BRCC3: variants seen among roughly 807,000 people sequenced by gnomAD.
The protein encoded by BRCC3 is BRCA1/BRCA2-containing complex subunit 3.
A neutral mutation model predicts 28.0 loss-of-function variants in BRCC3; 15 were observed. The ratio of observed to expected loss-of-function variants is 0.54; its 90% CI spans 0.36 to 0.82. The LOEUF is 0.82. Among genes scored for constraint, BRCC3 ranks in the 40% least tolerant of loss-of-function variants. The pLI, the probability that BRCC3 is intolerant of heterozygous loss-of-function variation, is 0.01. For synonymous variants in BRCC3, 66 were observed against 80.3 expected (o/e 0.82, Z 0.95); for missense variants, 109 against 225.9 (o/e 0.48, Z 3.32).
In BRCC3 at chrX:155,096,605, G is replaced by T. The variant is rs1169723425; in HGVS notation, c.548+5766G>T. 4.5e-5 allele frequency among the ~76,000 whole-genome samples: 5 copies of T among 112,013 alleles called. No individual in the cohort carries two copies. In the Admixed American group the frequency reaches 4.7e-4, roughly 11 times the overall value. ...CTACCCAATGTCATCTACAGATCCAGTGTAATCCCTATCAAAATTCCAATA... is the reference window on the plus strand; with the variant it reads ...CTACCCAATGTCATCTACAGATCCATTGTAATCCCTATCAAAATTCCAATA... On this transcript the variant is annotated intron_variant, in intron 7 of 10. Coordinates refer to ENST00000330045, the MANE Select transcript of BRCC3 (RefSeq NM_001018055.3).
chrX:155,098,824 A>G (rs1468964117), intron 7 of BRCC3, among the ~76,000 whole-genome samples: 1 of 112,398 alleles, frequency 8.9e-6, no homozygotes, highest in Non-Finnish European at 1.9e-5. Flanking sequence ...TGTTATACCA[A>G]TCCTTATATC....
At chrX:155,088,072 GC>G (rs2074146646) in intron 5 of BRCC3, among the ~76,000 whole-genome samples, 2 of 112,224 alleles carry the variant, frequency 1.8e-5, no homozygotes, top group Non-Finnish European at 3.8e-5. Flanking sequence ...GTTTTACAAT[GC>G]TATGTTCTTT....
At chrX:155,079,996 T>C (rs1293069966) in intron 5 of BRCC3, among the ~76,000 whole-genome samples, 2 of 111,480 alleles carry the variant, frequency 1.8e-5, no homozygotes, top group Non-Finnish European at 3.8e-5. Context: ...ACAGACCTTA[T>C]TCAGATTCTT....
intron 7 of BRCC3, among the ~76,000 whole-genome samples, chrX:155,101,319 A>G (rs1569560542): frequency 1.8e-5 from 2 of 111,753 alleles, no homozygotes; most frequent in South Asian, 3.7e-4. Context: ...TTGAACATCT[A>G]TGGATTTCAG....
At chrX:155,109,787 A>G (rs2074308903) in intron 7 of BRCC3, among the ~76,000 whole-genome samples, 1 of 111,628 alleles carries the variant, frequency 9.0e-6, no homozygotes, top group Admixed American at 9.5e-5. Flanking sequence ...ATGCCTTATT[A>G]TACTGTCTCA....
At chrX:155,105,985 C>T (rs1000547692) in intron 7 of BRCC3, among the ~76,000 whole-genome samples, 2 of 112,411 alleles carry the variant, frequency 1.8e-5, no homozygotes, top group African/African-American at 3.2e-5. Context: ...CCACGCCCAT[C>T]CAAGACCCTG....
chrX:155,104,607 T>C (rs1259715422), intron 7 of BRCC3, among the ~76,000 whole-genome samples: 2 of 112,544 alleles, frequency 1.8e-5, no homozygotes, highest in African/African-American at 6.5e-5. Context: ...TACTTTACTT[T>C]GCAAACACAA....
At chrX:155,101,624 A>G (rs2124286538) in intron 7 of BRCC3, among the ~76,000 whole-genome samples, 1 of 112,027 alleles carries the variant, frequency 8.9e-6, no homozygotes, top group South Asian at 3.7e-4. Context: ...TACTATCATT[A>G]GTTATTTTGA....
chrX:155,090,695 C>A, intron 6 of BRCC3, 89 bp from the exon 7 acceptor site: 1 of 682,618 alleles, frequency 1.5e-6, no homozygotes, highest in Non-Finnish European at 2.3e-6. Context: ...TCTCTTTTAA[C>A]ATTCTGCTTC....
chrX:155,098,130 C>G (rs2074223046), intron 7 of BRCC3, among the ~76,000 whole-genome samples: 1 of 111,749 alleles, frequency 8.9e-6, no homozygotes, highest in Non-Finnish European at 1.9e-5. Flanking sequence ...TTGTTGTATT[C>G]TAAATTCTTG....
rs141154438 is a variant in BRCC3, at chrX:155,093,240, T to G, written c.548+2401T>G. Among the ~76,000 whole-genome samples the G allele has an allele frequency of 3.1e-4, 34 of 111,216 alleles. No homozygotes were observed. The East Asian group carries it at 6.6e-3, about 22-fold the overall frequency. Reference sequence around the variant, plus strand: ...TGTTTTTTGTTTGTTTGTTTTGTATTCCCAGATAAAACAATCCACAACCTA... The same window carrying G: ...TGTTTTTTGTTTGTTTGTTTTGTATGCCCAGATAAAACAATCCACAACCTA... On this transcript the variant is annotated intron_variant, in intron 7 of 10. Coordinates refer to ENST00000330045, the MANE Select transcript of BRCC3 (RefSeq NM_001018055.3).
At chrX:155,105,722 G>A (rs992558687) in intron 7 of BRCC3, among the ~76,000 whole-genome samples, 2 of 111,445 alleles carry the variant, frequency 1.8e-5, no homozygotes, top group Admixed American at 9.4e-5. Context: ...GTTTTGAGAC[G>A]GAGTCTCGCC....
At chrX:155,116,441 T>A (rs782127503) in intron 8 of BRCC3, among the ~76,000 whole-genome samples, 2 of 112,008 alleles carry the variant, frequency 1.8e-5, no homozygotes, top group Non-Finnish European at 3.8e-5. Context: ...AAGAGGATAA[T>A]CCACAACATC....
At chrX:155,078,374 G>A (rs2074061673) in intron 4 of BRCC3, among the ~76,000 whole-genome samples, 1 of 112,158 alleles carries the variant, frequency 8.9e-6, no homozygotes, top group Non-Finnish European at 1.9e-5. Flanking sequence ...TTCGAGTGAT[G>A]AAACATCAGC....
At chrX:155,097,595 G>A (rs1343487880) in intron 7 of BRCC3, among the ~76,000 whole-genome samples, 1 of 112,157 alleles carries the variant, frequency 8.9e-6, no homozygotes. Context: ...TCAAAAAGGT[G>A]TTTTAAAAAA....
chrX:155,120,337 A>G, intron 10 of BRCC3, among the ~76,000 whole-genome samples, 169 bp downstream of exon 10: 2 of 112,072 alleles, frequency 1.8e-5, no homozygotes, highest in Admixed American at 1.9e-4. Flanking sequence ...ACTGACCAAT[A>G]AGGAGCTTAT....
intron 7 of BRCC3, among the ~76,000 whole-genome samples, chrX:155,102,551 T>C (rs1441800177): frequency 6.2e-5 from 7 of 112,091 alleles, no homozygotes; most frequent in African/African-American, 2.3e-4. Flanking sequence ...TTCTTTCCAA[T>C]GTGGATGCCT....
intron 7 of BRCC3, among the ~76,000 whole-genome samples, chrX:155,108,926 A>G (rs2074301130): frequency 9.0e-6 from 1 of 111,710 alleles, no homozygotes; most frequent in African/African-American, 3.3e-5. Context: ...GTCCTACACT[A>G]TTTAAGACAT....
At chrX:155,084,651 C>A (rs1004559289) in intron 5 of BRCC3, among the ~76,000 whole-genome samples, 1 of 112,221 alleles carries the variant, frequency 8.9e-6, no homozygotes, top group Non-Finnish European at 1.9e-5. Flanking sequence ...GCCTGAGCCA[C>A]CGTGCCCAGC....
Sources: allele counts gnomAD v4.1 joint callset (sites outside exome capture counted in the v4.1 genomes callset), GRCh38; gene constraint gnomAD v4.1.1; transcripts MANE v1.5; gene names NCBI Gene and HGNC (gene_info 2026-07-23, HGNC 2026-07-21).